The following DRC4 variants were observed in gnomAD, a reference collection of about 807,000 sequenced individuals.
DRC4 encodes the protein dynein regulatory complex subunit 4, also known as GAS-11.
chr16:90,035,979 C>T, the DRC4 span: 1 of 1,180,002 alleles, frequency 8.5e-7, no homozygotes, highest in Non-Finnish European at 1.1e-6. Flanking sequence ...GGGCAGCCTT[C>T]TTAAAATAGT....
chr16:90,025,643 C>G, the DRC4 span, among the ~76,000 whole-genome samples: 1 of 88,970 alleles, frequency 1.1e-5, no homozygotes, highest in East Asian at 3.6e-4. Flanking sequence ...GAGCAAGACT[C>G]TGTCTCAAAA....
chr16:90,029,049 C>G, the DRC4 span: 9 of 1,226,710 alleles, frequency 7.3e-6, no homozygotes, highest in African/African-American at 1.4e-4. Flanking sequence ...TTGAACACTG[C>G]GTTGTCCCAG....
chr16:90,040,384 G>A, the DRC4 span: 26 of 1,611,312 alleles, frequency 1.6e-5, no homozygotes, highest in Middle Eastern at 1.7e-4. Context: ...CAAGAACCTC[G>A]TGCTAGAACG....
At chr16:90,039,358 G>GTTATTTAT in the DRC4 span, among the ~76,000 whole-genome samples, 55 of 146,498 alleles carry the variant, frequency 3.8e-4, no homozygotes, top group African/African-American at 1.2e-3. Flanking sequence ...GACCAAGGCA[G>GTTATTTAT]TTATTTATTT....
At chr16:90,028,843 T>C in the DRC4 span, 2 of 870,794 alleles carry the variant, frequency 2.3e-6, no homozygotes, top group Non-Finnish European at 3.1e-6. Context: ...AGATAAAAAA[T>C]CAATACGAAG....
chr16:90,037,158 C>G, the DRC4 span: 2 of 1,462,622 alleles, frequency 1.4e-6, no homozygotes, highest in East Asian at 2.4e-5. Context: ...GAGCACCCAG[C>G]TCTCACCATG....
chr16:90,024,378 AC>A, the DRC4 span, among the ~76,000 whole-genome samples: 1 of 152,178 alleles, frequency 6.6e-6, no homozygotes, highest in African/African-American at 2.4e-5. Flanking sequence ...GAGTTAAGTT[AC>A]CTTTTAAGCT....
At chr16:90,037,753 T>C in the DRC4 span, 1 of 1,613,202 alleles carries the variant, frequency 6.2e-7, no homozygotes, top group Non-Finnish European at 8.5e-7. Flanking sequence ...CTCCCTGTTT[T>C]TCCTCCAGTG....
At chr16:90,042,807 C>T in the DRC4 span, 18 of 524,506 alleles carry the variant, frequency 3.4e-5, no homozygotes, top group Non-Finnish European at 6.2e-5. Context: ...TTCCCCTGGG[C>T]AGGGAGTCAG....
At chr16:90,023,595 GGAGGGATTAAAAAGAGA>G in the DRC4 span, among the ~76,000 whole-genome samples, 737 of 139,222 alleles carry the variant, frequency 5.3e-3, 25 homozygotes, top group Non-Finnish European at 8.3e-3. Context: ...TTCTTGGAGT[GGAGGGATTAAAAAGAGA>G]GCAGTACATT....
At chr16:90,040,570 C>T in the DRC4 span, 4 of 1,459,196 alleles carry the variant, frequency 2.7e-6, no homozygotes, top group Non-Finnish European at 2.8e-6. Context: ...CAAGAGTCTT[C>T]AGTTCTGTGC....
chr16:90,024,216 C>A, the DRC4 span, among the ~76,000 whole-genome samples: 1 of 151,868 alleles, frequency 6.6e-6, no homozygotes, highest in Admixed American at 6.6e-5. Flanking sequence ...GAGGCTGAGG[C>A]AGGAGAATTT....
the DRC4 span, among the ~76,000 whole-genome samples, chr16:90,023,591 G>GTTGCCAGCCTGGCAACACGTCTCTTAAA: frequency 9.2e-5 from 14 of 151,482 alleles, no homozygotes; most frequent in South Asian, 2.1e-4. Flanking sequence ...AGCCTTCTTG[G>GTTGCCAGCCTGGCAACACGTCTCTTAAA]AGTGGAGGGA....
At chr16:90,022,636 C>A in the DRC4 span, 1 of 1,355,526 alleles carries the variant, frequency 7.4e-7, no homozygotes, top group South Asian at 1.5e-5. Flanking sequence ...ATCGCGGCAT[C>A]GCCCAGCGGT....
the DRC4 span, chr16:90,022,876 G>C: frequency 9.0e-6 from 7 of 779,634 alleles, no homozygotes; most frequent in Non-Finnish European, 1.3e-5. Context: ...GGGGGTCTCC[G>C]TGGGGCAAAC....
chr16:90,031,198 G>T, the DRC4 span: 1 of 1,564,940 alleles, frequency 6.4e-7, no homozygotes, highest in Non-Finnish European at 8.6e-7. Context: ...AGGTGAAGTT[G>T]AGTCCTCCCT....
chr16:90,035,561 A>G, the DRC4 span: 6 of 1,602,666 alleles, frequency 3.7e-6, no homozygotes, highest in Non-Finnish European at 4.3e-6. Flanking sequence ...CATGAGGAAC[A>G]GGGTCAGCCT....
At chr16:90,042,413 T>C in the DRC4 span, 1 of 1,504,302 alleles carries the variant, frequency 6.6e-7, no homozygotes, top group South Asian at 1.1e-5. Flanking sequence ...CCCAGGCCGC[T>C]CCCGTTGCCT....
chr16:90,044,270 G>A, the DRC4 span: 5 of 444,330 alleles, frequency 1.1e-5, no homozygotes, highest in South Asian at 7.9e-5. Context: ...CCTTGGCCCA[G>A]CCTCCCCACA....
Sources: allele counts gnomAD v4.1 joint callset (sites outside exome capture counted in the v4.1 genomes callset), GRCh38; gene constraint gnomAD v4.1.1; transcripts MANE v1.5; gene names NCBI Gene and HGNC (gene_info 2026-07-23, HGNC 2026-07-21).